The following NT5DC3 variants were observed in gnomAD, a reference collection of about 807,000 sequenced individuals.
NT5DC3 encodes the protein 5'-nucleotidase domain containing 3, also known as 5'-nucleotidase domain-containing protein 3.
Under a neutral mutation model 67.8 loss-of-function variants are expected in NT5DC3, and 42 were observed. That is an observed-to-expected ratio of 0.62 (90% CI 0.48 to 0.80). NT5DC3 has a LOEUF of 0.80. Ranked by LOEUF, NT5DC3 falls within the 30% of genes least tolerant of loss-of-function variation. The pLI, the probability that NT5DC3 is intolerant of heterozygous loss-of-function variation, is 0.00. For missense variants in NT5DC3, 570 were observed against 696.4 expected (o/e 0.82, Z 2.04); for synonymous variants, 237 against 255.6 (o/e 0.93, Z 0.69).
At chr12:103,839,640 C>A (rs2139501411) in intron 1 of NT5DC3, among the ~76,000 whole-genome samples, 1 of 152,160 alleles carries the variant, frequency 6.6e-6, no homozygotes, top group East Asian at 1.9e-4. Flanking sequence ...GTTTGATAAT[C>A]TTCTATATTC....
chr12:103,829,604 T>C (rs1465891349), intron 1 of NT5DC3, among the ~76,000 whole-genome samples: 1 of 152,216 alleles, frequency 6.6e-6, no homozygotes, highest in Non-Finnish European at 1.5e-5. Context: ...TTAATCTGAG[T>C]TTATCATGAT....
intron 11 of NT5DC3, among the ~76,000 whole-genome samples, chr12:103,786,679 T>C (rs58421738): frequency 0.38 from 54,837 of 145,358 alleles, 11,358 homozygotes; most frequent in East Asian, 0.88. Context: ...CTCACTGGTT[T>C]GATTTTTTTT....
chr12:103,755,195 G>A, the NT5DC3 span: 2 of 1,483,352 alleles, frequency 1.3e-6, no homozygotes, highest in Admixed American at 1.9e-5. Context: ...TAGGCAAAGT[G>A]AGACTTTATG....
chr12:103,800,342 T>C (rs1439637860), intron 4 of NT5DC3, among the ~76,000 whole-genome samples: 12 of 152,224 alleles, frequency 7.9e-5, no homozygotes, highest in African/African-American at 2.7e-4. Flanking sequence ...AGAAATAAGA[T>C]AAGACACTGG....
chr12:103,805,845 CAAAAAAA>C (rs34163004), intron 4 of NT5DC3, among the ~76,000 whole-genome samples: 8 of 48,792 alleles, frequency 1.6e-4, no homozygotes, highest in South Asian at 1.1e-3. Flanking sequence ...GACTCCACCT[CAAAAAAA>C]AAAAAAAAAA....
chr12:103,781,095 A>G (rs754191266), intron 12 of NT5DC3, among the ~76,000 whole-genome samples: 5 of 152,224 alleles, frequency 3.3e-5, no homozygotes, highest in Non-Finnish European at 5.9e-5. Flanking sequence ...CCAATTGCCC[A>G]TGATCTAACA....
At position 103,773,707 on chromosome 12, in the gene NT5DC3, A is replaced by T. The variant is rs1332960686; in HGVS notation, c.*4122T>A. 1 of 152,256 alleles carries T rather than the reference A, an allele frequency of 6.6e-6. No individual in the cohort carries two copies. Among genetic ancestry groups the T allele is most frequent in the Non-Finnish European group, 1.5e-5 (1 of 68,032 alleles). 9.4% of individuals were successfully genotyped at this position (152,256 alleles called of 1,614,324 possible). ...AGCCCCAAGTGGTCTTTGGCAGCAA[A>T]TGAGCAGGCAGAAAAGTGGAATTCA... On this transcript the variant is annotated 3_prime_UTR_variant, in exon 14 of 14. Transcript: ENST00000392876.
intron 1 of NT5DC3, among the ~76,000 whole-genome samples, chr12:103,834,697 T>C (rs1032699831): frequency 6.6e-6 from 1 of 152,144 alleles, no homozygotes; most frequent in East Asian, 1.9e-4. Context: ...ATAAAGTTTT[T>C]AAAAAAACTT....
At chr12:103,822,691 G>A (rs1361627005) in intron 1 of NT5DC3, among the ~76,000 whole-genome samples, 1 of 152,178 alleles carries the variant, frequency 6.6e-6, no homozygotes, top group Non-Finnish European at 1.5e-5. Context: ...TCTGGTGCCA[G>A]GACCTGGGCA....
chr12:103,833,508 C>T (rs1010964472), intron 1 of NT5DC3, among the ~76,000 whole-genome samples: 4 of 152,082 alleles, frequency 2.6e-5, no homozygotes, highest in African/African-American at 4.8e-5. Flanking sequence ...AAGCTTACAT[C>T]ATCATGTAGA....
intron 1 of NT5DC3, among the ~76,000 whole-genome samples, chr12:103,831,563 C>T (rs10861113): frequency 0.14 from 20,711 of 151,998 alleles, 1,558 homozygotes; most frequent in Middle Eastern, 0.28. Context: ...GAGCAAAGAC[C>T]AAAAGAGAGA....
chr12:103,759,145 C>T, the NT5DC3 span: 141 of 1,614,082 alleles, frequency 8.7e-5, no homozygotes, highest in East Asian at 4.7e-4. Context: ...CTTGTCTGGG[C>T]GGGACATCGA....
At chr12:103,794,112 G>T in intron 6 of NT5DC3, 115 bp from the exon 7 acceptor site, 1 of 727,484 alleles carries the variant, frequency 1.4e-6, no homozygotes, top group Non-Finnish European at 2.3e-6. Context: ...GACAATCCAG[G>T]CCCTACACAA....
intron 4 of NT5DC3, among the ~76,000 whole-genome samples, chr12:103,806,106 C>A (rs1886787772): frequency 6.6e-6 from 1 of 152,130 alleles, no homozygotes; most frequent in Non-Finnish European, 1.5e-5. Flanking sequence ...CATGACTTCC[C>A]ACCCACACTC....
At chr12:103,816,967 C>CTTTTTTTTTTT (rs376622215) in intron 1 of NT5DC3, among the ~76,000 whole-genome samples, 207 of 118,848 alleles carry the variant, frequency 1.7e-3, no homozygotes, top group East Asian at 6.4e-3. Context: ...TTTCTTTTTT[C>CTTTTTTTTTTT]TTTTTTTTTT....
chr12:103,794,104 C>A, intron 6 of NT5DC3, 107 bp from the exon 7 acceptor site: 4 of 765,056 alleles, frequency 5.2e-6, no homozygotes, highest in African/African-American at 1.8e-5. Context: ...GAAAGTCTGA[C>A]AATCCAGGCC....
At chr12:103,831,528 C>T (rs1007612650) in intron 1 of NT5DC3, among the ~76,000 whole-genome samples, 87 of 152,200 alleles carry the variant, frequency 5.7e-4, no homozygotes, top group African/African-American at 2.1e-3. Context: ...AAAACCTGCC[C>T]CCCCACACAC....
intron 3 of NT5DC3, among the ~76,000 whole-genome samples, chr12:103,806,610 T>C (rs1304155020): frequency 6.6e-6 from 1 of 152,138 alleles, no homozygotes; most frequent in Non-Finnish European, 1.5e-5. Flanking sequence ...TGGTTCCTCC[T>C]CCAAACACCA....
At position 103,797,014 on chromosome 12, in the gene NT5DC3, C is replaced by G; in HGVS notation, c.633G>C (p.Thr211=). The change falls in exon 6 of 14, where the codon ACG becomes ACC. Residue 211 remains threonine, a synonymous_variant. Coordinates refer to ENST00000392876, the MANE Select transcript of NT5DC3 (RefSeq NM_001031701.3). ...AGAAGATGTCCATGAACTGCTTCATCGTGTTTCCATGAGAGCTCTGCAGAC... is the reference window on the plus strand; with the variant it reads ...AGAAGATGTCCATGAACTGCTTCATGGTGTTTCCATGAGAGCTCTGCAGAC... The part of the protein sequence containing the change: ...DFYGKSSHGN[T]MKQFMDIFSL... 1 of 1,614,114 alleles carries G rather than the reference C, an allele frequency of 6.2e-7. No individual in the cohort carries two copies.
Sources: allele counts gnomAD v4.1 joint callset (sites outside exome capture counted in the v4.1 genomes callset), GRCh38; gene constraint gnomAD v4.1.1; transcripts MANE v1.5; gene names NCBI Gene and HGNC (gene_info 2026-07-23, HGNC 2026-07-21).